The following PADI3 variants were observed in gnomAD, a reference collection of about 807,000 sequenced individuals.
The protein encoded by PADI3 is peptidyl arginine deiminase 3.
In PADI3, 53 loss-of-function variants were observed where a neutral mutation model predicts 71.5. The observed-to-expected ratio is 0.74, with a 90% CI of 0.59 to 0.93. The LOEUF (loss-of-function observed/expected upper bound fraction) is 0.93. PADI3 is among the 40% of genes least tolerant of loss of function. The pLI, the probability that PADI3 is intolerant of heterozygous loss-of-function variation, is 0.00. For synonymous variants in PADI3, 361 were observed against 347.5 expected (o/e 1.04, Z -0.43); for missense variants, 821 against 868.0 (o/e 0.95, Z 0.68).
chr1:17,262,064 C>A, intron 2 of PADI3, 69 bp from the exon 3 acceptor site: 1 of 1,410,170 alleles, frequency 7.1e-7, no homozygotes, highest in African/African-American at 1.4e-5. Flanking sequence ...ACCAGATCCC[C>A]GAGAGCTATC....
At chr1:17,254,717 A>AT (rs1247695105) in intron 1 of PADI3, among the ~76,000 whole-genome samples, 13,649 of 128,388 alleles carry the variant, frequency 0.11, 829 homozygotes, top group African/African-American at 0.14. Context: ...AGGCTCCAGC[A>AT]TTTTTTTTTT....
chr1:17,274,647 G>A lies in PADI3; in HGVS notation c.1168G>A (p.Gly390Ser). 1 of 1,611,950 alleles carries A rather than the reference G, an allele frequency of 6.2e-7. No homozygotes were observed. The highest frequency in any genetic ancestry group is 8.5e-7 in the Non-Finnish European group (1 of 1,178,722). Residue 390 changes from glycine to serine, a missense_variant, in exon 11 of 16, where the codon GGT becomes AGT. Transcript: ENST00000375460. ...TTTCCCTCTCCAGGGTCCAGATTTT[G>A]GTTACGTGACTCGGGAACCACGCGA... ...PYKRILGPDF[G>S]YVTREPRDRS...
At chr1:17,280,328 C>G (rs1462447968) in intron 13 of PADI3, 22 bp from the exon 14 acceptor site, 2 of 1,604,404 alleles carry the variant, frequency 1.2e-6, no homozygotes, top group African/African-American at 2.7e-5. Flanking sequence ...CTGTCCTTCT[C>G]TTTCATCTCT....
At chr1:17,272,722 T>A (rs1303224196) in intron 9 of PADI3, among the ~76,000 whole-genome samples, 1 of 152,052 alleles carries the variant, frequency 6.6e-6, no homozygotes, top group Admixed American at 6.5e-5. Flanking sequence ...TGTCTCAAAC[T>A]CCTGGCCTCA....
intron 5 of PADI3, among the ~76,000 whole-genome samples, chr1:17,267,075 C>A (rs1056252204): frequency 1.2e-4 from 19 of 152,316 alleles, no homozygotes; most frequent in Middle Eastern, 3.4e-3. Context: ...AGCCACCTCG[C>A]CATTCTCTTC....
chr1:17,271,262 C>A, intron 9 of PADI3, 84 bp downstream of exon 9: 1 of 1,177,366 alleles, frequency 8.5e-7, no homozygotes, highest in Non-Finnish European at 1.2e-6. Flanking sequence ...GAGAAACATC[C>A]AGGAGGACCT....
Position 17,270,235 on chromosome 1 carries a change from C to T in PADI3, c.655C>T (p.Pro219Ser). The change falls in exon 7 of 16, where the codon CCT becomes TCT. Residue 219 changes from proline (P) to serine (S), a missense_variant and splice_region_variant. Pro to Ser is a moderately conservative substitution (Grantham distance 74, BLOSUM62 -1). Coordinates refer to ENST00000375460, the MANE Select transcript of PADI3 (RefSeq NM_016233.2). The stretch of plus-strand genomic sequence containing the variant: ...CCACCCCGTCCCTCCCCTTCCAGGT[C>T]CTGAGGATGTGTGTGAGGCCTATAG... ...KRAQVFHICG[P>S]EDVCEAYRHV... is the part of the protein sequence containing the mutation. The T allele has an allele frequency of 1.2e-6, 2 of 1,609,806 alleles. No individual in the cohort carries two copies. Among genetic ancestry groups the T allele is most frequent in the Non-Finnish European group, 1.7e-6 (2 of 1,177,666 alleles).
At chr1:17,265,335 C>A (rs972949969) in intron 3 of PADI3, among the ~76,000 whole-genome samples, 2 of 151,258 alleles carry the variant, frequency 1.3e-5, no homozygotes, top group African/African-American at 4.9e-5. Context: ...GATGAGGCAG[C>A]TTTATATAGA....
intron 1 of PADI3, among the ~76,000 whole-genome samples, chr1:17,259,064 G>T (rs190899914): frequency 6.6e-6 from 1 of 152,314 alleles, no homozygotes; most frequent in East Asian, 1.9e-4. Context: ...ATCAGACTGT[G>T]TGTATGTTTT....
chr1:17,281,951 T>C (rs1235945607), intron 15 of PADI3, among the ~76,000 whole-genome samples: 3 of 151,922 alleles, frequency 2.0e-5, no homozygotes, highest in African/African-American at 7.3e-5. Flanking sequence ...CCCTCTCCAC[T>C]CCTCCCCACC....
chr1:17,275,932 G>A (rs2073324353), intron 11 of PADI3, among the ~76,000 whole-genome samples: 1 of 152,214 alleles, frequency 6.6e-6, no homozygotes, highest in Admixed American at 6.5e-5. Context: ...GTGTGAGGGT[G>A]GTTCTGAAGA....
chr1:17,249,302 G>T (rs1439441916), intron 1 of PADI3, 73 bp downstream of exon 1: 1 of 1,276,130 alleles, frequency 7.8e-7, no homozygotes, highest in Non-Finnish European at 1.1e-6. Context: ...CTGCAGGCTG[G>T]GCAGGGCTTC....
At chr1:17,250,283 TTTGTCATGGGGGCCACCC>T (rs1360852794) in intron 1 of PADI3, among the ~76,000 whole-genome samples, 1 of 152,158 alleles carries the variant, frequency 6.6e-6, no homozygotes, top group Non-Finnish European at 1.5e-5. Context: ...ACGATACCTC[TTTGTCATGGGGGCCACCC>T]TGTGCACTGT....
At position 17,259,714 on chromosome 1, in the gene PADI3, A is replaced by G. The variant is rs562600411; in HGVS notation, c.229A>G (p.Ile77Val). ...RWRFDATLEIIVVMNSPSNDL... is the reference protein window; with the variant it reads ...RWRFDATLEIVVVMNSPSNDL... ...GCGCTTTGACGCGACTTTGGAGATC[A>G]TCGTGGTCATGAACTCCCCCAGCAA... The change falls in exon 2 of 16, where the codon ATC (isoleucine) becomes GTC (valine). Residue 77 changes from isoleucine to valine, a missense_variant. Coordinates refer to ENST00000375460, the MANE Select transcript of PADI3 (RefSeq NM_016233.2). 27 of 1,612,878 alleles carry G rather than the reference A, an allele frequency of 1.7e-5. No homozygotes were observed. In the East Asian group the frequency reaches 2.2e-4, roughly 13 times the overall value.
At chr1:17,270,799 C>A in intron 7 of PADI3, 80 bp from the exon 8 acceptor site, 1 of 1,013,442 alleles carries the variant, frequency 9.9e-7, no homozygotes. Flanking sequence ...TTCTTATGGA[C>A]CACAGTGGTG....
At chr1:17,257,378 C>T (rs745550798) in intron 1 of PADI3, among the ~76,000 whole-genome samples, 3 of 152,242 alleles carry the variant, frequency 2.0e-5, no homozygotes, top group Admixed American at 6.5e-5. Flanking sequence ...TAAAAGATGC[C>T]TAGTTAAAAT....
intron 3 of PADI3, among the ~76,000 whole-genome samples, chr1:17,265,030 T>C (rs972595305): frequency 1.4e-5 from 2 of 146,668 alleles, no homozygotes; most frequent in African/African-American, 5.0e-5. Flanking sequence ...AAAAATCCTA[T>C]CTAATGTATT....
intron 14 of PADI3, 106 bp downstream of exon 14, chr1:17,280,535 G>GCC (rs1321846689): frequency 5.8e-5 from 87 of 1,503,652 alleles, no homozygotes; most frequent in Non-Finnish European, 7.4e-5. Flanking sequence ...GAAAGCTCAG[G>GCC]TTAGAACAGG....
At position 17,249,165 on chromosome 1, in the gene PADI3, T is replaced by A; in HGVS notation, c.28T>A (p.Ser10Thr). The A allele has an allele frequency of 6.2e-7, 1 of 1,614,172 alleles. No individual in the cohort carries two copies. Among genetic ancestry groups the A allele is most frequent in the Non-Finnish European group, 8.5e-7 (1 of 1,180,018 alleles). MSLQRIVRV[S>T]LEHPTSAVCV... ...GTCGCTGCAGAGAATCGTGCGTGTG[T>A]CCCTGGAGCATCCCACCAGCGCGGT... The change falls in exon 1 of 16, where the codon TCC becomes ACC. Residue 10 changes from serine to threonine, a missense_variant. Physicochemically the swap from Ser to Thr is moderately conservative, Grantham distance 58. Transcript: ENST00000375460.
Sources: allele counts gnomAD v4.1 joint callset (sites outside exome capture counted in the v4.1 genomes callset), GRCh38; gene constraint gnomAD v4.1.1; transcripts MANE v1.5; gene names NCBI Gene and HGNC (gene_info 2026-07-23, HGNC 2026-07-21).